PTPRJ: variants seen among roughly 807,000 people sequenced by gnomAD.
The protein encoded by PTPRJ is receptor-type tyrosine-protein phosphatase eta.
In PTPRJ, 129 loss-of-function variants were observed where a neutral mutation model predicts 141.3. The ratio of observed to expected loss-of-function variants is 0.91; its 90% CI spans 0.79 to 1.06. PTPRJ has a LOEUF of 1.06. Ranked by LOEUF, PTPRJ falls within the 50% of genes least tolerant of loss-of-function variation. The probability of loss-of-function intolerance (pLI) is 0.00; values close to 1 mark genes in which losing one functional copy is unlikely to be tolerated. For missense variants in PTPRJ, 1,601 were observed against 1,679.7 expected (o/e 0.95, Z 0.82); for synonymous variants, 610 against 640.5 (o/e 0.95, Z 0.72).
intron 1 of PTPRJ, among the ~76,000 whole-genome samples, chr11:48,035,425 G>A (rs1263324526): frequency 6.6e-6 from 1 of 151,792 alleles, no homozygotes; most frequent in East Asian, 1.9e-4. Context: ...GGGATGAGCT[G>A]TTTGTAGTGA....
intron 1 of PTPRJ, among the ~76,000 whole-genome samples, chr11:48,093,680 A>G (rs1855930296): frequency 6.6e-6 from 1 of 152,158 alleles, no homozygotes; most frequent in Non-Finnish European, 1.5e-5. Context: ...TAATAAGCAA[A>G]TGTTGTGAAT....
chr11:47,983,066 G>C (rs1488574107), intron 1 of PTPRJ, among the ~76,000 whole-genome samples: 1 of 152,208 alleles, frequency 6.6e-6, no homozygotes, highest in East Asian at 1.9e-4. Flanking sequence ...AGAGCTCTTA[G>C]ATGAGGATAT....
chr11:48,027,010 T>G (rs1010061509), intron 1 of PTPRJ, among the ~76,000 whole-genome samples: 16 of 135,728 alleles, frequency 1.2e-4, no homozygotes, highest in Non-Finnish European at 2.3e-4. Flanking sequence ...TTTTTTTTTT[T>G]TTTTTTTTTT....
rs565705970 is a variant in PTPRJ at position 48,006,127 on chromosome 11, G to A, written c.96+25119G>A. On this transcript the variant is annotated intron_variant, in intron 1 of 24. Coordinates refer to ENST00000418331, the MANE Select transcript of PTPRJ (RefSeq NM_002843.4). ...AGCACCCACAGAACCGCTGTGATGG[G>A]AGAAACAAGACTTCGAGTTAGGAGA... Among the ~76,000 whole-genome samples the A allele has an allele frequency of 4.6e-5, 7 of 152,338 alleles. No individual in the cohort carries two copies. In the East Asian group the frequency reaches 1.4e-3, roughly 29 times the overall value.
intron 1 of PTPRJ, among the ~76,000 whole-genome samples, chr11:48,000,610 T>G (rs1854471054): frequency 6.6e-6 from 1 of 151,988 alleles, no homozygotes; most frequent in Non-Finnish European, 1.5e-5. Context: ...TCATCCTGGC[T>G]ACCCACTCCC....
chr11:48,075,806 T>A (rs919655814), intron 1 of PTPRJ, among the ~76,000 whole-genome samples: 5 of 152,224 alleles, frequency 3.3e-5, no homozygotes, highest in Non-Finnish European at 5.9e-5. Context: ...TGCCACATTT[T>A]ACCTTGCCTT....
At chr11:48,018,529 A>G (rs1018967554) in intron 1 of PTPRJ, among the ~76,000 whole-genome samples, 1 of 152,214 alleles carries the variant, frequency 6.6e-6, no homozygotes, top group South Asian at 2.1e-4. Context: ...TTCTTACCAC[A>G]TGTAAGTCAT....
intron 10 of PTPRJ, among the ~76,000 whole-genome samples, chr11:48,138,505 G>A (rs939309847): frequency 3.3e-5 from 5 of 152,104 alleles, no homozygotes; most frequent in Non-Finnish European, 7.4e-5. Context: ...AAAATTCTGT[G>A]ACATTCAATT....
In PTPRJ at chr11:48,160,007, T is replaced by G; in HGVS notation, c.3516T>G (p.Ile1172Met). The change falls in exon 22 of 25, where the codon ATT becomes ATG. Residue 1172 changes from isoleucine (I) to methionine (M), a missense_variant. Physicochemically the swap from Ile to Met is conservative, Grantham distance 10. Coordinates refer to ENST00000418331, the MANE Select transcript of PTPRJ (RefSeq NM_002843.4). The stretch of plus-strand genomic sequence containing the variant: ...TAACTGTGGCAATGACATCAGAAAT[T>G]GTTCTTCCGGAATGGACCATCAGAG... ...GDITVAMTSE[I>M]VLPEWTIRDF... 1 of 1,614,004 alleles carries G rather than the reference T, an allele frequency of 6.2e-7. No homozygotes were observed. Among genetic ancestry groups the G allele is most frequent in the Non-Finnish European group, 8.5e-7 (1 of 1,179,892 alleles).
intron 1 of PTPRJ, among the ~76,000 whole-genome samples, chr11:48,083,285 C>T (rs1468064887): frequency 2.0e-5 from 3 of 152,030 alleles, no homozygotes; most frequent in Non-Finnish European, 2.9e-5. Flanking sequence ...ATTAGCTGAG[C>T]GTGGTGGTGT....
At chr11:48,062,174 C>CA (rs1327968371) in intron 1 of PTPRJ, among the ~76,000 whole-genome samples, 1 of 151,368 alleles carries the variant, frequency 6.6e-6, no homozygotes, top group Non-Finnish European at 1.5e-5. Context: ...GCTGGGACTA[C>CA]AGGCATGAAC....
chr11:48,052,898 A>G (rs1565278091), intron 1 of PTPRJ, among the ~76,000 whole-genome samples: 1 of 151,176 alleles, frequency 6.6e-6, no homozygotes, highest in Non-Finnish European at 1.5e-5. Context: ...TACGTGGGCC[A>G]CCAGCCGCTA....
At chr11:48,078,199 C>G (rs1381281056) in intron 1 of PTPRJ, among the ~76,000 whole-genome samples, 1 of 151,962 alleles carries the variant, frequency 6.6e-6, no homozygotes, top group Non-Finnish European at 1.5e-5. Flanking sequence ...GCTGGGATGA[C>G]AGGAGCCCAC....
chr11:48,084,846 A>C (rs1351882467), intron 1 of PTPRJ, among the ~76,000 whole-genome samples: 1 of 152,184 alleles, frequency 6.6e-6, no homozygotes, highest in African/African-American at 2.4e-5. Context: ...GTTTGTTCAC[A>C]GAGCCATTCA....
In PTPRJ at chr11:48,149,509, G is replaced by T. The variant is rs745375476; in HGVS notation, c.3041+21G>T. On this transcript the variant is annotated intron_variant, in intron 16 of 24. Coordinates refer to ENST00000418331, the MANE Select transcript of PTPRJ (RefSeq NM_002843.4). ...ATTAAGTAAGTCTCTCAAATTATGA[G>T]CTTTATTTTAAATCCTCCAATCTGT... 29 of 1,423,444 alleles carry T rather than the reference G, an allele frequency of 2.0e-5. No individual in the cohort carries two copies. The African/African-American group carries it at 2.5e-4, about 12-fold the overall frequency. The allele number at this position is 1,423,444 out of a possible 1,614,324, so 88.2% of individuals were successfully genotyped here. A position where few individuals can be genotyped will look rare whatever the true frequency, so the allele number is the denominator to read the frequency against.
chr11:48,102,414 A>AT (rs914835801), intron 1 of PTPRJ, among the ~76,000 whole-genome samples: 90 of 148,066 alleles, frequency 6.1e-4, no homozygotes, highest in Middle Eastern at 3.5e-3. Context: ...TATCTCCCTA[A>AT]TTTTTTTTTT....
chr11:48,013,455 G>A (rs549654207), intron 1 of PTPRJ, among the ~76,000 whole-genome samples: 65 of 152,290 alleles, frequency 4.3e-4, no homozygotes, highest in Non-Finnish European at 4.0e-4. Flanking sequence ...AAGGCCAGTG[G>A]GGGAGATGAG....
chr11:48,093,154 T>G (rs1855914030), intron 1 of PTPRJ, among the ~76,000 whole-genome samples: 1 of 152,250 alleles, frequency 6.6e-6, no homozygotes, highest in South Asian at 2.1e-4. Flanking sequence ...GATTTTTGCC[T>G]CAGTGATCAT....
intron 23 of PTPRJ, 138 bp downstream of exon 23, chr11:48,163,756 C>A: frequency 1.9e-6 from 2 of 1,077,244 alleles, no homozygotes; most frequent in Non-Finnish European, 2.7e-6. Flanking sequence ...GAACCATGGA[C>A]TTACTCCCTA....
Sources: gnomAD v4.1 joint callset for allele counts (sites outside exome capture counted in the v4.1 genomes callset) on GRCh38, gnomAD v4.1.1 for gene constraint, MANE v1.5 for transcripts, NCBI Gene and HGNC (gene_info 2026-07-23, HGNC 2026-07-21) for gene names.